Variants in SLC26A4 observed in about 807,000 individuals in gnomAD.
SLC26A4 encodes pendrin.
In SLC26A4, 93 loss-of-function variants were observed where a neutral mutation model predicts 90.4. That is an observed-to-expected ratio of 1.03 (90% CI 0.87 to 1.22). SLC26A4 has a LOEUF of 1.22. Among genes scored for constraint, SLC26A4 ranks in the 50% most tolerant of loss-of-function variants. The pLI is 0.00. For synonymous variants in SLC26A4, 393 were observed against 354.6 expected (o/e 1.11, Z -1.22); for missense variants, 1,127 against 946.2 (o/e 1.19, Z -2.51).
rs397516416 is a variant in SLC26A4, at chr7:107,694,475, C to T, written c.1336C>T (p.Gln446Ter). 2.5e-6 allele frequency: 4 copies of T among 1,612,166 alleles called. No individual in the cohort carries two copies. The highest frequency in any genetic ancestry group is 1.3e-5 in the African/African-American group (1 of 74,862). Residue 446 changes from glutamine (Q) to a stop codon, truncating the protein, a stop_gained, in exon 11 of 21, where the codon CAG becomes TAG. Coordinates refer to ENST00000644269, the MANE Select transcript of SLC26A4 (RefSeq NM_000441.2). LOFTEE classifies it high-confidence loss of function. ...CCTGGGGAAGCTTCTGGAACCCTTG[C>T]AGAAGGTATAACCCTGCTTCTCTGC... ...LALGKLLEPL[Q>*]KSVLAAVVIA...
At chr7:107,698,290 G>A (rs1267725004) in intron 14 of SLC26A4, among the ~76,000 whole-genome samples, 179 bp downstream of exon 14, 1 of 151,810 alleles carries the variant, frequency 6.6e-6, no homozygotes, top group African/African-American at 2.4e-5. Context: ...CATGGCTTAT[G>A]TGAATTTTGT....
intron 18 of SLC26A4, among the ~76,000 whole-genome samples, chr7:107,707,590 C>T (rs896944511): frequency 9.2e-5 from 14 of 152,106 alleles, no homozygotes; most frequent in Non-Finnish European, 1.5e-4. Flanking sequence ...CTGTGGCACA[C>T]AACAATTTAA....
intron 18 of SLC26A4, 62 bp from the exon 19 acceptor site, chr7:107,709,992 C>T (rs527361077): frequency 1.2e-5 from 18 of 1,460,520 alleles, no homozygotes; most frequent in Non-Finnish European, 1.7e-5. Flanking sequence ...GACTCTGTCT[C>T]AAAAACAAAC....
At chr7:107,707,675 A>G (rs1473026822) in intron 18 of SLC26A4, among the ~76,000 whole-genome samples, 1 of 152,244 alleles carries the variant, frequency 6.6e-6, no homozygotes, top group Non-Finnish European at 1.5e-5. Context: ...TAATTTTGGA[A>G]CATATTAATA....
At chr7:107,692,044 C>T in intron 10 of SLC26A4, 1 of 1,289,272 alleles carries the variant, frequency 7.8e-7, no homozygotes, top group Non-Finnish European at 1.0e-6. Context: ...GATGTTACCT[C>T]CAGGCTCAAA....
intron 14 of SLC26A4, 24 bp from the exon 15 acceptor site, chr7:107,700,059 C>T (rs1416913090): frequency 7.8e-7 from 1 of 1,280,888 alleles, no homozygotes; most frequent in East Asian, 2.3e-5. Flanking sequence ...TTATTTAATC[C>T]CAGACAATTT....
At chr7:107,709,761 C>T (rs1792129424) in intron 18 of SLC26A4, among the ~76,000 whole-genome samples, 1 of 152,140 alleles carries the variant, frequency 6.6e-6, no homozygotes, top group Non-Finnish European at 1.5e-5. Context: ...AAATCTGGGT[C>T]ACATTTTGGA....
chr7:107,708,323 G>A (rs1792084226), intron 18 of SLC26A4, among the ~76,000 whole-genome samples: 1 of 151,978 alleles, frequency 6.6e-6, no homozygotes, highest in Non-Finnish European at 1.5e-5. Flanking sequence ...TTGTACCTTA[G>A]GACAAAGATT....
chr7:107,684,384 G>A (rs73191614), intron 8 of SLC26A4, among the ~76,000 whole-genome samples: 1 of 152,244 alleles, frequency 6.6e-6, no homozygotes, highest in South Asian at 2.1e-4. Flanking sequence ...GGAGGGAAGG[G>A]CACGGAGCCA....
intron 10 of SLC26A4, chr7:107,691,785 T>G (rs2129316356): frequency 3.9e-6 from 4 of 1,024,148 alleles, no homozygotes; most frequent in African/African-American, 1.7e-5. Context: ...TTATTTTTTT[T>G]GCAAATATTT....
chr7:107,674,888 G>C, intron 5 of SLC26A4, 57 bp from the exon 6 acceptor site: 1 of 1,514,976 alleles, frequency 6.6e-7, no homozygotes, highest in East Asian at 2.3e-5. Context: ...TATTTCCAGA[G>C]AGTAGGTTTC....
At position 107,674,288 on chromosome 7, in the gene SLC26A4, T is replaced by G. The variant is rs1790957218; in HGVS notation, c.540T>G (p.Ala180=). The change falls in exon 5 of 21, where the codon GCT becomes GCG. Residue 180 remains alanine, a synonymous_variant. Coordinates refer to ENST00000644269, the MANE Select transcript of SLC26A4 (RefSeq NM_000441.2). ...VLNTTMIDTA[A]RDTARVLIAS... is the part of the protein sequence containing the mutation. ...ATACTACTATGATAGACACTGCAGCTAGAGATACAGCTAGAGTCCTGATTG... is the reference window on the plus strand; with the variant it reads ...ATACTACTATGATAGACACTGCAGCGAGAGATACAGCTAGAGTCCTGATTG... 6.2e-7 allele frequency: 1 copy of G among 1,613,728 alleles called. No individual in the cohort carries two copies. The highest frequency in any genetic ancestry group is 8.5e-7 in the Non-Finnish European group (1 of 1,179,650).
At chr7:107,702,187 A>G (rs1330474081) in intron 17 of SLC26A4, 130 bp downstream of exon 17, 7 of 725,096 alleles carry the variant, frequency 9.7e-6, no homozygotes, top group Non-Finnish European at 1.7e-5. Flanking sequence ...TTTTGTAAAA[A>G]AGTGTAATAT....
chr7:107,708,362 C>T (rs1441693505), intron 18 of SLC26A4, among the ~76,000 whole-genome samples: 3 of 152,092 alleles, frequency 2.0e-5, no homozygotes, highest in African/African-American at 7.2e-5. Flanking sequence ...ATCATTTTGA[C>T]CATATAAGGT....
intron 6 of SLC26A4, among the ~76,000 whole-genome samples, chr7:107,678,867 G>C (rs1791097592): frequency 6.6e-6 from 1 of 152,154 alleles, no homozygotes; most frequent in Non-Finnish European, 1.5e-5. Context: ...TTCAATAAAT[G>C]CAGAGTAGTA....
At chr7:107,662,606 C>T (rs1447058968) in intron 2 of SLC26A4, among the ~76,000 whole-genome samples, 1 of 152,100 alleles carries the variant, frequency 6.6e-6, no homozygotes, top group Non-Finnish European at 1.5e-5. Context: ...TACTGCATAT[C>T]TTTAAAGACT....
chr7:107,661,451 G>T lies in SLC26A4; in HGVS notation c.-3-188G>T, dbSNP rs1790546827. 4.5e-6 allele frequency: 3 copies of T among 664,510 alleles called. No individual in the cohort carries two copies. Among genetic ancestry groups the T allele is most frequent in the Non-Finnish European group, 7.9e-6 (3 of 381,562 alleles). 41.2% of individuals were successfully genotyped at this position (664,510 alleles called of 1,614,324 possible). A position where few individuals can be genotyped will look rare whatever the true frequency, so the allele number is the denominator to read the frequency against. On this transcript the variant is annotated intron_variant, in intron 1 of 20. Coordinates refer to ENST00000644269, the MANE Select transcript of SLC26A4 (RefSeq NM_000441.2). This position sits in a 1 kb window ranked among gnomAD's most constrained non-coding sequence, Gnocchi z 5.1. ...AAGGTTCTCAGGTGCCCCCCTGCAG[G>T]CTGGCCGTGCGCGCCGTGGGGCGCT...
chr7:107,664,116 A>G (rs1351558255), intron 3 of SLC26A4, among the ~76,000 whole-genome samples: 1 of 151,920 alleles, frequency 6.6e-6, no homozygotes, highest in Non-Finnish European at 1.5e-5. Flanking sequence ...TGAAATATTT[A>G]TTATAACAAT....
chr7:107,700,042 C>A, intron 14 of SLC26A4, 41 bp from the exon 15 acceptor site: 1 of 1,148,188 alleles, frequency 8.7e-7, no homozygotes, highest in Non-Finnish European at 1.3e-6. Flanking sequence ...ATACTTGAGG[C>A]TTGAAATTAT....
Sources: allele counts gnomAD v4.1 joint callset (sites outside exome capture counted in the v4.1 genomes callset), GRCh38; gene constraint gnomAD v4.1.1; non-coding constraint Gnocchi (gnomAD v3.1); transcripts MANE v1.5; gene names NCBI Gene and HGNC (gene_info 2026-07-23, HGNC 2026-07-21).